The following BTBD8 variants were observed in gnomAD, a reference collection of about 807,000 sequenced individuals.
The protein encoded by BTBD8 is BTB domain containing 8.
A neutral mutation model predicts 162.9 loss-of-function variants in BTBD8; 110 were observed. The observed-to-expected ratio is 0.68, with a 90% CI of 0.58 to 0.79. The LOEUF (loss-of-function observed/expected upper bound fraction) is 0.79, where lower values mean the gene tolerates loss of function less well. Ranked by LOEUF, BTBD8 falls within the 30% of genes least tolerant of loss-of-function variation. The probability of loss-of-function intolerance (pLI) is 0.00; values close to 1 mark genes in which losing one functional copy is unlikely to be tolerated. For synonymous variants in BTBD8, 667 were observed against 716.1 expected, an observed-to-expected ratio of 0.93 and a Z score of 1.10; for missense variants, 1,905 against 2,085.4, an observed-to-expected ratio of 0.91 and a Z score of 1.68.
chr1:92,140,553 C>T (rs1021917322), intron 6 of BTBD8, among the ~76,000 whole-genome samples: 2 of 152,062 alleles, frequency 1.3e-5, no homozygotes, highest in African/African-American at 4.8e-5. Context: ...AGGTTTTGTC[C>T]CCTGGCAACC....
At chr1:92,165,581 T>G (rs1295628218) in intron 9 of BTBD8, among the ~76,000 whole-genome samples, 3 of 151,994 alleles carry the variant, frequency 2.0e-5, no homozygotes. Context: ...ATTTCCAGAT[T>G]TATCAATGAT....
rs191425647 is a variant in BTBD8 at position 92,141,855 on chromosome 1, G to A, written c.930+644G>A. ...TTTTAAAATTTTCTACAAAGAATGT[G>A]TATTACTTTTATAATCAATAAAAAC... On this transcript the variant is annotated intron_variant, in intron 7 of 17. Transcript: ENST00000636805. Among the ~76,000 whole-genome samples the A allele has an allele frequency of 1.8e-3, 273 of 152,224 alleles. 1 individual carries two copies. Among genetic ancestry groups the A allele is most frequent in the African/African-American group, 6.4e-3 (265 of 41,536 alleles).
intron 1 of BTBD8, among the ~76,000 whole-genome samples, chr1:92,087,779 A>G (rs556181806): frequency 6.6e-6 from 1 of 152,316 alleles, no homozygotes; most frequent in South Asian, 2.1e-4. Flanking sequence ...GGGTATCTTT[A>G]TCAGTTACTT....
At chr1:92,144,798 C>CA (rs58803678) in intron 7 of BTBD8, among the ~76,000 whole-genome samples, 2,365 of 109,442 alleles carry the variant, frequency 0.022, 59 homozygotes, top group African/African-American at 0.083. Context: ...GTGACAGAGC[C>CA]AAAAAAAAAA....
At chr1:92,152,052 G>C (rs570851577) in intron 9 of BTBD8, among the ~76,000 whole-genome samples, 1 of 152,230 alleles carries the variant, frequency 6.6e-6, no homozygotes, top group South Asian at 2.1e-4. Flanking sequence ...TATGAGAAAA[G>C]AGAATCAAAG....
At chr1:92,158,322 GCTGT>G (rs1650205408) in intron 9 of BTBD8, among the ~76,000 whole-genome samples, 1 of 151,746 alleles carries the variant, frequency 6.6e-6, no homozygotes, top group Non-Finnish European at 1.5e-5. Flanking sequence ...TTTATCTCCT[GCTGT>G]CTTTCTTTGT....
At chr1:92,159,006 T>C (rs1650224546) in intron 9 of BTBD8, among the ~76,000 whole-genome samples, 1 of 152,158 alleles carries the variant, frequency 6.6e-6, no homozygotes, top group Non-Finnish European at 1.5e-5. Context: ...ATCTACCTAG[T>C]TCAGCTTCTG....
chr1:92,129,171 GAAAA>G (rs1182733523), intron 4 of BTBD8, among the ~76,000 whole-genome samples: 17 of 149,654 alleles, frequency 1.1e-4, no homozygotes, highest in Non-Finnish European at 2.2e-4. Context: ...AACCTTCAAA[GAAAA>G]AAAAAGACAG....
At chr1:92,132,000 G>A (rs941885566) in intron 5 of BTBD8, among the ~76,000 whole-genome samples, 2 of 152,070 alleles carry the variant, frequency 1.3e-5, no homozygotes, top group African/African-American at 4.8e-5. Flanking sequence ...GTTAGCCACC[G>A]GACCCAGCTT....
intron 1 of BTBD8, among the ~76,000 whole-genome samples, chr1:92,081,764 G>A (rs1648022341): frequency 6.6e-6 from 1 of 152,116 alleles, no homozygotes; most frequent in African/African-American, 2.4e-5. Context: ...AGTAGAGACG[G>A]GATTTCATCA....
At chr1:92,126,679 C>T (rs903861699) in intron 4 of BTBD8, among the ~76,000 whole-genome samples, 1 of 152,166 alleles carries the variant, frequency 6.6e-6, no homozygotes, top group Non-Finnish European at 1.5e-5. Context: ...GGAGTCTTTG[C>T]TGTTACTGCT....
At chr1:92,120,357 A>G (rs1229616413) in intron 4 of BTBD8, among the ~76,000 whole-genome samples, 1 of 152,192 alleles carries the variant, frequency 6.6e-6, no homozygotes, top group Non-Finnish European at 1.5e-5. Flanking sequence ...TCGGGGCAGT[A>G]ACGGACATGG....
At position 92,166,949 on chromosome 1, in the gene BTBD8, A is replaced by G. The variant is rs1323670608; in HGVS notation, c.1123-9A>G. ...GCATCTAACTTTCCAATTTTTTTTTAAATCTAAGAATGATAAGAATGCTGC... is the reference window on the plus strand; with the variant it reads ...GCATCTAACTTTCCAATTTTTTTTTGAATCTAAGAATGATAAGAATGCTGC... On this transcript the variant is annotated splice_polypyrimidine_tract_variant and intron_variant, in intron 9 of 17. Transcript: ENST00000636805. 3 of 1,518,932 alleles carry G rather than the reference A, an allele frequency of 2.0e-6. No homozygotes were observed. The highest frequency in any genetic ancestry group is 4.5e-5 in the Admixed American group (2 of 44,438). 94.1% of individuals were successfully genotyped at this position (1,518,932 alleles called of 1,614,324 possible).
At chr1:92,170,807 A>C (rs1439192718) in intron 12 of BTBD8, among the ~76,000 whole-genome samples, 1 of 152,066 alleles carries the variant, frequency 6.6e-6, no homozygotes, top group Non-Finnish European at 1.5e-5. Flanking sequence ...TTCTGCAATA[A>C]ATTCCCATAT....
chr1:92,164,846 G>C (rs1650350248), intron 9 of BTBD8, among the ~76,000 whole-genome samples: 1 of 151,536 alleles, frequency 6.6e-6, no homozygotes, highest in African/African-American at 2.4e-5. Context: ...TATTTTTGTA[G>C]TTTCACCGTG....
At chr1:92,136,831 T>C (rs1287026491) in intron 5 of BTBD8, among the ~76,000 whole-genome samples, 1 of 152,236 alleles carries the variant, frequency 6.6e-6, no homozygotes, top group African/African-American at 2.4e-5. Flanking sequence ...TGGTATCTGC[T>C]GTAGAGTTGG....
rs1052513576 is a variant in BTBD8 at position 92,182,551 on chromosome 1, G to T, written c.4868G>T (p.Ser1623Ile). The T allele has an allele frequency of 6.5e-7, 1 of 1,528,608 alleles. No individual in the cohort carries two copies. The highest frequency in any genetic ancestry group is 8.8e-7 in the Non-Finnish European group (1 of 1,140,702). 94.7% of individuals were successfully genotyped at this position (1,528,608 alleles called of 1,614,324 possible). A position where few individuals can be genotyped will look rare whatever the true frequency, so the allele number is the denominator to read the frequency against. Residue 1623 changes from serine to isoleucine, a missense_variant, in exon 17 of 18, where the codon AGC becomes ATC. Physicochemically the swap from Ser to Ile is moderately radical, Grantham distance 142. Coordinates refer to ENST00000636805, the MANE Select transcript of BTBD8 (RefSeq NM_001376131.1). ...CCTCAGGAAGGTCCAGTGAAAGAGA[G>T]CCATTCTACAACTACTGAAAAAGCT... is the stretch of plus-strand genomic sequence containing the variant. ...VLPQEGPVKE[S>I]HSTTTEKANI... is the part of the protein sequence containing the mutation.
chr1:92,140,617 G>A (rs1649754643), intron 6 of BTBD8, among the ~76,000 whole-genome samples: 1 of 152,170 alleles, frequency 6.6e-6, no homozygotes, highest in African/African-American at 2.4e-5. Flanking sequence ...AGTACCTAAA[G>A]TATGTGTAGG....
chr1:92,110,020 T>C (rs1469458912), intron 4 of BTBD8, among the ~76,000 whole-genome samples: 1 of 152,216 alleles, frequency 6.6e-6, no homozygotes, highest in Non-Finnish European at 1.5e-5. Flanking sequence ...CCCAAATTGG[T>C]ATGGTCTTCT....
Sources: gnomAD v4.1 joint callset for allele counts (sites outside exome capture counted in the v4.1 genomes callset) on GRCh38, gnomAD v4.1.1 for gene constraint, MANE v1.5 for transcripts, NCBI Gene and HGNC (gene_info 2026-07-23, HGNC 2026-07-21) for gene names.